The following C6 variants were observed in gnomAD, a reference collection of about 807,000 sequenced individuals.
C6 encodes the protein complement component C6.
Under a neutral mutation model 112.9 loss-of-function variants are expected in C6, and 101 were observed. The observed-to-expected ratio is 0.89, with a 90% CI of 0.76 to 1.06. The LOEUF (loss-of-function observed/expected upper bound fraction) is 1.06. Among genes scored for constraint, C6 ranks in the 50% least tolerant of loss-of-function variants. The pLI, the probability that C6 is intolerant of heterozygous loss-of-function variation, is 0.00. For synonymous variants in C6, 431 were observed against 384.1 expected, an observed-to-expected ratio of 1.12 and a Z score of -1.43; for missense variants, 1,202 against 1,104.6, an observed-to-expected ratio of 1.09 and a Z score of -1.25.
intron 1 of C6, among the ~76,000 whole-genome samples, chr5:41,256,671 T>C (rs1231596860): frequency 6.6e-6 from 1 of 152,184 alleles, no homozygotes; most frequent in Non-Finnish European, 1.5e-5. Context: ...TATGTTACGA[T>C]ATCCTGCCTC....
chr5:41,201,698 T>C lies in C6; in HGVS notation c.160A>G (p.Lys54Glu), dbSNP rs1751046477. 6.2e-7 allele frequency: 1 copy of C among 1,613,430 alleles called. No homozygotes were observed. Among genetic ancestry groups the C allele is most frequent in the Non-Finnish European group, 8.5e-7 (1 of 1,179,674 alleles). The part of the protein sequence containing the change: ...QSRHRQIVVD[K>E]YYQENFCEQI... ...TCACAAAAGTTTTCCTGGTAGTACT[T>C]ATCTACTACTATTTGTCTGTAACCA... Residue 54 changes from lysine (K) to glutamate (E), a missense_variant, in exon 3 of 18, where the codon AAG becomes GAG. Lys to Glu is a moderately conservative substitution (Grantham distance 56). Transcript: ENST00000337836.
At position 41,185,422 on chromosome 5, in the gene C6, A is replaced by G. The variant is rs1749690678; in HGVS notation, c.726+648T>C. On this transcript the variant is annotated intron_variant, in intron 6 of 17. Coordinates refer to ENST00000337836, the MANE Select transcript of C6 (RefSeq NM_000065.5). ...CAAATTTCTATGCATGAACGTCACC[A>G]TTAAAACGTGTATTTTCTGTTCTTA... is the stretch of plus-strand genomic sequence containing the variant. Among the ~76,000 whole-genome samples, 9 of 152,220 alleles carry G rather than the reference A, an allele frequency of 5.9e-5. No homozygotes were observed. The South Asian group carries it at 1.9e-3, about 31-fold the overall frequency.
At chr5:41,173,116 C>G (rs540395836) in intron 8 of C6, among the ~76,000 whole-genome samples, 1 of 152,182 alleles carries the variant, frequency 6.6e-6, no homozygotes, top group African/African-American at 2.4e-5. Context: ...CATTCTCACC[C>G]CATTCATGTA....
At position 41,247,784 on chromosome 5, in the gene C6, T is replaced by C. The variant is rs115685567; in HGVS notation, c.-21+13410A>G. 9.5e-3 allele frequency among the ~76,000 whole-genome samples: 1,436 copies of C among 150,824 alleles called. 7 individuals are homozygous for C. Among genetic ancestry groups the C allele is most frequent in the Middle Eastern group, 0.014 (4 of 290 alleles). On this transcript the variant is annotated intron_variant, in intron 1 of 17. Transcript: ENST00000263413. ...GAAAGATCTCTACAAGGAAAACTTG[T>C]ACAAGTGAAAACAAAATACTGCTGA...
At chr5:41,222,420 A>G (rs1238710615) in intron 1 of C6, among the ~76,000 whole-genome samples, 1 of 151,972 alleles carries the variant, frequency 6.6e-6, no homozygotes, top group South Asian at 2.1e-4. Flanking sequence ...ATTAAACAGA[A>G]AAGTTTTATA....
intron 1 of C6, among the ~76,000 whole-genome samples, chr5:41,255,311 A>C (rs1315429133): frequency 1.3e-5 from 2 of 151,512 alleles, no homozygotes; most frequent in East Asian, 3.9e-4. Flanking sequence ...CAGTGAGCCG[A>C]GATCGCCCCA....
chr5:41,159,315 G>C (rs950270198), intron 11 of C6, 62 bp from the exon 12 acceptor site: 4 of 1,577,674 alleles, frequency 2.5e-6, no homozygotes, highest in Middle Eastern at 1.8e-4. Flanking sequence ...GTTTGGAAGT[G>C]AGGCCAACCT....
In C6 at chr5:41,160,214, C is replaced by T. The variant is rs780174708; in HGVS notation, c.1612G>A (p.Glu538Lys). Residue 538 changes from glutamate (E) to lysine (K), a missense_variant, in exon 11 of 18, where the codon GAA (glutamate) becomes AAA (lysine). Transcript: ENST00000337836. ...NNGRPTLSGT[E>K]CLCVCQSGTY... ...CCACTCTGACACACACACAGACATT[C>T]AGTCCCTGAGAGGGTGGGTCGGCCA... 1.3e-5 allele frequency: 21 copies of T among 1,613,820 alleles called. No individual in the cohort carries two copies. Among genetic ancestry groups the T allele is most frequent in the Non-Finnish European group, 1.8e-5 (21 of 1,179,866 alleles).
At chr5:41,250,687 G>C (rs1353239888) in intron 1 of C6, among the ~76,000 whole-genome samples, 1 of 152,148 alleles carries the variant, frequency 6.6e-6, no homozygotes, top group African/African-American at 2.4e-5. Flanking sequence ...AGATCACATA[G>C]AGTATAGCCA....
At chr5:41,228,213 G>C (rs1739649581) in intron 1 of C6, among the ~76,000 whole-genome samples, 1 of 151,164 alleles carries the variant, frequency 6.6e-6, no homozygotes, top group Admixed American at 6.6e-5. Flanking sequence ...CTTTATTTTT[G>C]TGGTAGCTTT....
At chr5:41,233,266 T>C (rs1740022303) in intron 1 of C6, among the ~76,000 whole-genome samples, 1 of 152,092 alleles carries the variant, frequency 6.6e-6, no homozygotes. Flanking sequence ...TTATCAAAAG[T>C]AAATGAGACC....
At chr5:41,182,261 G>A (rs1280813471) in intron 6 of C6, among the ~76,000 whole-genome samples, 14 of 148,398 alleles carry the variant, frequency 9.4e-5, no homozygotes, top group South Asian at 2.1e-4. Flanking sequence ...ACTTCCCCCC[G>A]CCCCTTTTTT....
At chr5:41,209,043 CCTGGGATGCAAGT>C (rs1175389366) in intron 1 of C6, among the ~76,000 whole-genome samples, 13 of 152,162 alleles carry the variant, frequency 8.5e-5, no homozygotes, top group Non-Finnish European at 1.9e-4. Context: ...TGGCTTCACC[CCTGGGATGCAAGT>C]CTGTTTAACT....
At position 41,186,940 on chromosome 5, in the gene C6, T is replaced by C. The variant is rs115398629; in HGVS notation, c.588-732A>G. Among the ~76,000 whole-genome samples the C allele has an allele frequency of 3.0e-3, 461 of 152,292 alleles. 2 individuals carry two copies. Among genetic ancestry groups the C allele is most frequent in the African/African-American group, 0.01 (433 of 41,580 alleles). The stretch of plus-strand genomic sequence containing the variant: ...AGATAAAAAAACTTCTCCAAGATGC[T>C]AATGCTTTTCCAAATTCTAAGAGAT... On this transcript the variant is annotated intron_variant, in intron 5 of 17. Transcript: ENST00000337836.
chr5:41,239,111 C>CTTT (rs34322889), intron 1 of C6, among the ~76,000 whole-genome samples: 6,245 of 121,484 alleles, frequency 0.051, 283 homozygotes, highest in African/African-American at 0.087. Context: ...TCTTTTCTTT[C>CTTT]TTTTTTTTTT....
intron 13 of C6, among the ~76,000 whole-genome samples, chr5:41,156,329 C>T (rs994195661): frequency 2.0e-5 from 3 of 152,076 alleles, no homozygotes; most frequent in East Asian, 1.9e-4. Context: ...TGAGGTACAA[C>T]GTCCTTTCAG....
chr5:41,246,346 C>T (rs746044723), intron 1 of C6, among the ~76,000 whole-genome samples: 3 of 152,312 alleles, frequency 2.0e-5, no homozygotes, highest in East Asian at 1.9e-4. Flanking sequence ...CTTTGCTTCT[C>T]TCTAGGATCT....
In C6 at chr5:41,255,072, A is replaced by G. The variant is rs116316687; in HGVS notation, c.-21+6122T>C. ...TAGAAATTAACTTTAAAAAAGGATA[A>G]GAGTCTTGGCCAGGCATGGTGGCTC... On this transcript the variant is annotated intron_variant, in intron 1 of 17. Coordinates refer to the C6 transcript ENST00000263413. 3.6e-3 allele frequency among the ~76,000 whole-genome samples: 551 copies of G among 152,242 alleles called. 3 individuals carry two copies. Among genetic ancestry groups the G allele is most frequent in the African/African-American group, 0.013 (531 of 41,544 alleles).
chr5:41,206,015 G>A (rs536392579), intron 1 of C6, among the ~76,000 whole-genome samples: 22 of 152,268 alleles, frequency 1.4e-4, no homozygotes, highest in African/African-American at 4.6e-4. Flanking sequence ...CCTCTGAGAC[G>A]AAGCTTCCAG....
Sources: gnomAD v4.1 joint callset for allele counts (sites outside exome capture counted in the v4.1 genomes callset) on GRCh38, gnomAD v4.1.1 for gene constraint, MANE v1.5 for transcripts, NCBI Gene and HGNC (gene_info 2026-07-23, HGNC 2026-07-21) for gene names.